Variants in MACROD2 observed in about 807,000 individuals in gnomAD.
MACROD2 encodes the protein ADP-ribose glycohydrolase MACROD2.
Under a neutral mutation model 70.4 loss-of-function variants are expected in MACROD2, and 36 were observed. That is an observed-to-expected ratio of 0.51 (90% CI 0.39 to 0.68). The LOEUF is 0.68. Ranked by LOEUF, MACROD2 falls within the 30% of genes least tolerant of loss-of-function variation. The pLI is 0.00. For synonymous variants in MACROD2, 172 were observed against 178.8 expected (o/e 0.96, Z 0.30); for missense variants, 496 against 538.4 (o/e 0.92, Z 0.78).
intron 8 of MACROD2, among the ~76,000 whole-genome samples, chr20:15,639,836 A>G (rs1210423083): frequency 6.6e-6 from 1 of 152,022 alleles, no homozygotes; most frequent in African/African-American, 2.4e-5. Flanking sequence ...AAACAAAGAG[A>G]AGAAGAGAAG....
intron 16 of MACROD2, among the ~76,000 whole-genome samples, chr20:16,044,222 A>C: frequency 6.6e-6 from 1 of 151,858 alleles, no homozygotes; most frequent in East Asian, 1.9e-4. Context: ...CGTGTCACAC[A>C]CTTTTAAACA....
chr20:14,211,276 T>C (rs980319717), intron 3 of MACROD2, among the ~76,000 whole-genome samples: 1 of 152,206 alleles, frequency 6.6e-6, no homozygotes, highest in Admixed American at 6.5e-5. Context: ...ATTTCACCTT[T>C]GTAAGCCTTT....
chr20:15,710,084 T>C (rs1438245378), intron 8 of MACROD2, among the ~76,000 whole-genome samples: 1 of 149,880 alleles, frequency 6.7e-6, no homozygotes, highest in Non-Finnish European at 1.5e-5. Context: ...ACAGAAATGG[T>C]CAAGAAATAT....
At chr20:15,164,837 G>A (rs2076372522) in intron 5 of MACROD2, among the ~76,000 whole-genome samples, 2 of 152,086 alleles carry the variant, frequency 1.3e-5, no homozygotes, top group Non-Finnish European at 2.9e-5. Flanking sequence ...AGAGTTAGGG[G>A]CTGCAGTGAA....
At chr20:15,313,424 A>G (rs2077775124) in intron 6 of MACROD2, among the ~76,000 whole-genome samples, 2 of 149,506 alleles carry the variant, frequency 1.3e-5, no homozygotes, top group South Asian at 2.1e-4. Context: ...GGAGAATGGC[A>G]TGATCCTGGG....
intron 6 of MACROD2, among the ~76,000 whole-genome samples, chr20:15,277,059 A>C (rs1260425372): frequency 6.6e-6 from 1 of 152,216 alleles, no homozygotes; most frequent in Non-Finnish European, 1.5e-5. Context: ...TCAAAGAGCA[A>C]GGAATCTTGA....
At chr20:15,443,595 G>A (rs6079828) in intron 7 of MACROD2, among the ~76,000 whole-genome samples, 66,641 of 151,948 alleles carry the variant, frequency 0.44, 14,771 homozygotes, top group African/African-American at 0.5. Flanking sequence ...AAGCAATTGC[G>A]TTTTTGGTAA....
intron 8 of MACROD2, among the ~76,000 whole-genome samples, chr20:15,526,870 A>G (rs554535386): frequency 7.1e-4 from 108 of 152,322 alleles, no homozygotes; most frequent in South Asian, 5.8e-3. Context: ...TGTTTAGTCA[A>G]TGAAAGATGT....
chr20:14,549,654 T>C (rs977385732), intron 4 of MACROD2, among the ~76,000 whole-genome samples: 1 of 152,116 alleles, frequency 6.6e-6, no homozygotes, highest in Non-Finnish European at 1.5e-5. Flanking sequence ...GCCCAATCCA[T>C]GATAAGAAGG....
At chr20:16,022,347 A>G (rs1345758552) in intron 15 of MACROD2, among the ~76,000 whole-genome samples, 1 of 151,946 alleles carries the variant, frequency 6.6e-6, no homozygotes, top group African/African-American at 2.4e-5. Context: ...CACCGCGCCC[A>G]GCCTCAGTTT....
At chr20:14,561,558 G>C (rs1979434924) in intron 4 of MACROD2, among the ~76,000 whole-genome samples, 1 of 151,538 alleles carries the variant, frequency 6.6e-6, no homozygotes, top group South Asian at 2.1e-4. Flanking sequence ...ATTCTACAGG[G>C]GTTTTCATTG....
At chr20:15,201,520 A>G (rs2076656075) in intron 5 of MACROD2, among the ~76,000 whole-genome samples, 1 of 152,194 alleles carries the variant, frequency 6.6e-6, no homozygotes, top group Non-Finnish European at 1.5e-5. Context: ...AATACGTGCA[A>G]CTGTCACACA....
chr20:15,728,105 G>A (rs184988640), intron 8 of MACROD2, among the ~76,000 whole-genome samples: 1 of 152,194 alleles, frequency 6.6e-6, no homozygotes, highest in Non-Finnish European at 1.5e-5. Flanking sequence ...GGATTCTTAA[G>A]ATGAAGGAAT....
chr20:15,458,641 A>T (rs2327920), intron 7 of MACROD2, among the ~76,000 whole-genome samples: 50,990 of 128,536 alleles, frequency 0.4, 9,360 homozygotes, highest in Non-Finnish European at 0.45. Context: ...TTTTTTTTTA[A>T]AAAAAAAAAA....
intron 5 of MACROD2, chr20:14,685,189 A>G (rs2070987376): frequency 5.4e-6 from 1 of 184,698 alleles, no homozygotes. Flanking sequence ...GTATATACAC[A>G]CATATGATGT....
intron 5 of MACROD2, among the ~76,000 whole-genome samples, chr20:15,106,895 T>G (rs2075914759): frequency 6.6e-6 from 1 of 151,516 alleles, no homozygotes; most frequent in African/African-American, 2.4e-5. Context: ...AAAATTAATA[T>G]GAAACACATT....
rs117873368 is a variant in MACROD2, at chr20:15,012,296, T to C, written c.419-217644T>C. On this transcript the variant is annotated intron_variant, in intron 5 of 17. Transcript: ENST00000684519. ...GAAGTTTTGCATCAAATCAGCCAGA[T>C]TTCTCCCTTTCTCTGAACTGAAGAA... Among the ~76,000 whole-genome samples, 572 of 152,294 alleles carry C rather than the reference T, an allele frequency of 3.8e-3. 5 individuals carry two copies. The highest frequency in any genetic ancestry group is 0.014 in the Middle Eastern group (4 of 294).
chr20:15,162,529 A>T (rs921469937), intron 5 of MACROD2, among the ~76,000 whole-genome samples: 1 of 152,108 alleles, frequency 6.6e-6, no homozygotes, highest in African/African-American at 2.4e-5. Flanking sequence ...ACTAAAACTC[A>T]GAATTCTTCT....
At position 15,701,705 on chromosome 20, in the gene MACROD2, G is replaced by A. The variant is rs2050462032; in HGVS notation, c.646-161040G>A. Among the ~76,000 whole-genome samples, 2 of 152,092 alleles carry A rather than the reference G, an allele frequency of 1.3e-5. 1 individual carries two copies. Among genetic ancestry groups the A allele is most frequent in the South Asian group, 4.1e-4 (2 of 4,822 alleles). ...TTAGATTCAGGGCGTACATATGCAG[G>A]TTTGTTATGGGAGCATATTGGGTGA... On this transcript the variant is annotated intron_variant, in intron 8 of 17. Transcript: ENST00000684519.
Sources: allele counts gnomAD v4.1 joint callset (sites outside exome capture counted in the v4.1 genomes callset), GRCh38; gene constraint gnomAD v4.1.1; transcripts MANE v1.5; gene names NCBI Gene and HGNC (gene_info 2026-07-23, HGNC 2026-07-21).